Variants in AMPH observed in about 807,000 individuals in gnomAD.
AMPH encodes the protein amphiphysin (Stiff-Mann syndrome with breast cancer 128kD autoantigen).
A neutral mutation model predicts 99.1 loss-of-function variants in AMPH; 49 were observed. The ratio of observed to expected loss-of-function variants is 0.49; its 90% CI spans 0.39 to 0.63. The LOEUF (loss-of-function observed/expected upper bound fraction) is 0.63, where lower values mean the gene tolerates loss of function less well. AMPH is among the 20% of genes least tolerant of loss of function. The pLI, the probability that AMPH is intolerant of heterozygous loss-of-function variation, is 0.00. For synonymous variants in AMPH, 314 were observed against 317.3 expected (o/e 0.99, Z 0.11); for missense variants, 759 against 863.4 (o/e 0.88, Z 1.52).
intron 1 of AMPH, among the ~76,000 whole-genome samples, chr7:38,598,570 G>C (rs865961794): frequency 6.6e-6 from 1 of 152,130 alleles, no homozygotes; most frequent in Admixed American, 6.5e-5. Flanking sequence ...CCAAAGTGCT[G>C]GGATTACAGG....
intron 11 of AMPH, among the ~76,000 whole-genome samples, chr7:38,445,863 T>C (rs1352798799): frequency 6.6e-6 from 1 of 152,162 alleles, no homozygotes; most frequent in East Asian, 1.9e-4. Context: ...ATGAATGGTT[T>C]AGCACCATCC....
chr7:38,411,865 C>T (rs1785226755), intron 17 of AMPH, among the ~76,000 whole-genome samples: 1 of 152,120 alleles, frequency 6.6e-6, no homozygotes, highest in Non-Finnish European at 1.5e-5. Flanking sequence ...AATACATATT[C>T]AGAAGACAGA....
chr7:38,555,454 G>T (rs6969168), intron 1 of AMPH, among the ~76,000 whole-genome samples: 5,604 of 152,138 alleles, frequency 0.037, 117 homozygotes, highest in African/African-American at 0.049. Context: ...GTTCTGAGCT[G>T]ATGAATTCAT....
intron 4 of AMPH, among the ~76,000 whole-genome samples, chr7:38,491,812 C>T (rs1045083553): frequency 3.3e-5 from 5 of 152,158 alleles, no homozygotes; most frequent in African/African-American, 9.7e-5. Flanking sequence ...AAATGACAGA[C>T]ACAGGCTTCA....
intron 11 of AMPH, among the ~76,000 whole-genome samples, chr7:38,450,695 G>A (rs980943635): frequency 6.6e-6 from 1 of 152,124 alleles, no homozygotes; most frequent in Non-Finnish European, 1.5e-5. Context: ...GGTCAGCTTG[G>A]CATTTCACTT....
intron 1 of AMPH, among the ~76,000 whole-genome samples, chr7:38,596,853 ATTTATC>A (rs1013036560): frequency 7.6e-5 from 10 of 132,280 alleles, no homozygotes; most frequent in Non-Finnish European, 1.6e-4. Context: ...TGGCCTATGC[ATTTATC>A]TCTCTGTTTT....
chr7:38,408,617 G>C (rs1406898142), intron 17 of AMPH, among the ~76,000 whole-genome samples: 4 of 151,968 alleles, frequency 2.6e-5, no homozygotes, highest in Admixed American at 2.6e-4. Context: ...ACGGCGTGGT[G>C]GTGGGTGCCT....
At chr7:38,406,589 G>A (rs1307257292) in intron 17 of AMPH, among the ~76,000 whole-genome samples, 3 of 152,114 alleles carry the variant, frequency 2.0e-5, no homozygotes, top group African/African-American at 7.2e-5. Context: ...ATTTGAGTCA[G>A]TGGACTGGGA....
At chr7:38,441,902 C>T (rs1345331073) in intron 11 of AMPH, among the ~76,000 whole-genome samples, 6 of 104,644 alleles carry the variant, frequency 5.7e-5, no homozygotes, top group African/African-American at 1.2e-4. Flanking sequence ...CACACACACA[C>T]GCCATGGAAT....
intron 1 of AMPH, among the ~76,000 whole-genome samples, chr7:38,547,437 G>T (rs1791031393): frequency 6.6e-6 from 1 of 152,176 alleles, no homozygotes; most frequent in African/African-American, 2.4e-5. Flanking sequence ...CAACTTGCAT[G>T]CTAAGCAAGC....
chr7:38,494,383 G>T, intron 4 of AMPH, 50 bp downstream of exon 4: 1 of 1,478,182 alleles, frequency 6.8e-7, no homozygotes, highest in South Asian at 1.1e-5. Flanking sequence ...GGGGACAGGT[G>T]GACTGAGCAA....
In AMPH at chr7:38,493,072, A is replaced by G. The variant is rs568605457; in HGVS notation, c.300+1361T>C. ...GAGCCAACAAATGCTTTCCTCATAAATAAATCTCTGTTAGCATCTCAGTTA... is the reference window on the plus strand; with the variant it reads ...GAGCCAACAAATGCTTTCCTCATAAGTAAATCTCTGTTAGCATCTCAGTTA... On this transcript the variant is annotated intron_variant, in intron 4 of 20. Coordinates refer to ENST00000356264, the MANE Select transcript of AMPH (RefSeq NM_001635.4). Among the ~76,000 whole-genome samples, 7 of 152,338 alleles carry G rather than the reference A, an allele frequency of 4.6e-5. 1 individual carries two copies. In the South Asian group the frequency reaches 1.2e-3, roughly 27 times the overall value.
chr7:38,574,659 C>T (rs183407267), intron 1 of AMPH, among the ~76,000 whole-genome samples: 1 of 152,276 alleles, frequency 6.6e-6, no homozygotes, highest in East Asian at 1.9e-4. Flanking sequence ...TGATTATCAA[C>T]ATTATGTTCA....
intron 1 of AMPH, among the ~76,000 whole-genome samples, chr7:38,621,887 T>G (rs1344818027): frequency 6.6e-6 from 1 of 152,202 alleles, no homozygotes; most frequent in African/African-American, 2.4e-5. Context: ...GTTCAGGAAG[T>G]ACATCTACAG....
At chr7:38,415,840 A>G (rs1234815623) in intron 17 of AMPH, among the ~76,000 whole-genome samples, 1 of 152,098 alleles carries the variant, frequency 6.6e-6, no homozygotes. Context: ...TGATTCTTGC[A>G]TCACCTATGG....
chr7:38,582,187 G>A (rs115375007), intron 1 of AMPH, among the ~76,000 whole-genome samples: 1 of 152,170 alleles, frequency 6.6e-6, no homozygotes, highest in Non-Finnish European at 1.5e-5. Context: ...AAAAGGAATT[G>A]AGTCTAGTAC....
chr7:38,477,084 G>C lies in AMPH; in HGVS notation c.397-115C>G, dbSNP rs1339869616. 5 of 774,932 alleles carry C rather than the reference G, an allele frequency of 6.5e-6. No individual in the cohort carries two copies. In the East Asian group the frequency reaches 1.3e-4, roughly 20 times the overall value. 48.0% of individuals were successfully genotyped at this position (774,932 alleles called of 1,614,324 possible). On this transcript the variant is annotated intron_variant, in intron 5 of 20. Coordinates refer to ENST00000356264, the MANE Select transcript of AMPH (RefSeq NM_001635.4). ...AGAGCTGCTGAGGATCTTGACTGGAGATCAAGATGGGCTGGAGTTTCACTA... is the reference window on the plus strand; with the variant it reads ...AGAGCTGCTGAGGATCTTGACTGGACATCAAGATGGGCTGGAGTTTCACTA...
chr7:38,529,225 C>A (rs948646173), intron 2 of AMPH, among the ~76,000 whole-genome samples: 2 of 152,198 alleles, frequency 1.3e-5, no homozygotes, highest in Admixed American at 1.3e-4. Context: ...CAGAACATGA[C>A]CACCAAATCT....
intron 2 of AMPH, among the ~76,000 whole-genome samples, chr7:38,529,564 C>T (rs375922662): frequency 2.6e-5 from 4 of 152,204 alleles, no homozygotes; most frequent in African/African-American, 9.6e-5. Context: ...CTGGAGGGCA[C>T]AAAACTTGCC....
Sources: allele counts gnomAD v4.1 joint callset (sites outside exome capture counted in the v4.1 genomes callset), GRCh38; gene constraint gnomAD v4.1.1; transcripts MANE v1.5; gene names NCBI Gene and HGNC (gene_info 2026-07-23, HGNC 2026-07-21).